Variants in ROBO2 observed in about 807,000 individuals in gnomAD.
ROBO2 encodes roundabout homolog 2.
ROBO2 carries 53 observed loss-of-function variants against 160.8 expected under a neutral mutation model. That is an observed-to-expected ratio of 0.33 (90% CI 0.26 to 0.41). The LOEUF (loss-of-function observed/expected upper bound fraction) is 0.41. Among genes scored for constraint, ROBO2 ranks in the 10% least tolerant of loss-of-function variants. ROBO2 has a pLI of 1.00. For missense variants in ROBO2, 1,577 were observed against 1,722.4 expected (o/e 0.92, Z 1.49); for synonymous variants, 664 against 611.7 (o/e 1.09, Z -1.26).
chr3:76,706,068 T>C (rs967843568), intron 2 of ROBO2, among the ~76,000 whole-genome samples: 32 of 152,122 alleles, frequency 2.1e-4, no homozygotes, highest in African/African-American at 7.7e-4. Context: ...TAGTAATCCA[T>C]AGAAGAAAGC....
intron 2 of ROBO2, among the ~76,000 whole-genome samples, chr3:76,543,330 C>G (rs531292558): frequency 6.6e-6 from 1 of 152,094 alleles, no homozygotes; most frequent in East Asian, 1.9e-4. Flanking sequence ...GGACTCTAAT[C>G]CAATAAGCCT....
chr3:76,388,200 G>A (rs1443468682), intron 2 of ROBO2, among the ~76,000 whole-genome samples: 1 of 151,868 alleles, frequency 6.6e-6, no homozygotes, highest in Non-Finnish European at 1.5e-5. Flanking sequence ...AATGTGTAAA[G>A]GAAAATACTT....
intron 2 of ROBO2, among the ~76,000 whole-genome samples, chr3:77,312,532 C>A (rs1239174175): frequency 6.6e-6 from 1 of 152,112 alleles, no homozygotes; most frequent in African/African-American, 2.4e-5. Context: ...CACACATAAA[C>A]CAATATGGAA....
chr3:77,457,554 C>T (rs376931834), intron 2 of ROBO2, among the ~76,000 whole-genome samples: 2 of 151,978 alleles, frequency 1.3e-5, no homozygotes, highest in African/African-American at 4.8e-5. Context: ...AAAACTTGAT[C>T]GGTATTATAT....
chr3:76,336,075 A>C (rs1004012672), intron 2 of ROBO2, among the ~76,000 whole-genome samples: 2 of 152,228 alleles, frequency 1.3e-5, no homozygotes, highest in African/African-American at 4.8e-5. Context: ...TATTTCTCTC[A>C]TGAAAAAGAT....
chr3:77,574,808 T>G, intron 14 of ROBO2, 78 bp downstream of exon 15: 1 of 1,041,992 alleles, frequency 9.6e-7, no homozygotes. Flanking sequence ...TTATCTTCCT[T>G]AGAAGAATGG....
At chr3:76,159,234 T>C (rs1327369654) in intron 2 of ROBO2, among the ~76,000 whole-genome samples, 1 of 152,218 alleles carries the variant, frequency 6.6e-6, no homozygotes, top group Non-Finnish European at 1.5e-5. Context: ...GGGAGTGCTG[T>C]ATTTTTATAG....
At chr3:76,838,991 A>G (rs1175216479) in intron 2 of ROBO2, among the ~76,000 whole-genome samples, 2 of 152,156 alleles carry the variant, frequency 1.3e-5, no homozygotes. Flanking sequence ...CATTTCTTAA[A>G]GATTTGAACA....
At chr3:77,592,103 T>G (rs1219199747) in intron 17 of ROBO2, among the ~76,000 whole-genome samples, 1 of 152,176 alleles carries the variant, frequency 6.6e-6, no homozygotes, top group East Asian at 1.9e-4. Flanking sequence ...TCCCTGTTTT[T>G]CCCTTGCTTT....
intron 2 of ROBO2, among the ~76,000 whole-genome samples, chr3:76,733,229 T>G (rs2093662871): frequency 6.6e-6 from 1 of 152,154 alleles, no homozygotes; most frequent in Non-Finnish European, 1.5e-5. Context: ...AAATTCAAGT[T>G]TCCCCAGGTA....
At chr3:76,236,670 G>C (rs997920985) in intron 2 of ROBO2, among the ~76,000 whole-genome samples, 1 of 152,064 alleles carries the variant, frequency 6.6e-6, no homozygotes, top group Non-Finnish European at 1.5e-5. Context: ...ATTGGAGTGG[G>C]ACATTGGAAT....
chr3:76,000,377 A>C (rs1421422491), intron 2 of ROBO2, among the ~76,000 whole-genome samples: 1 of 152,054 alleles, frequency 6.6e-6, no homozygotes, highest in Non-Finnish European at 1.5e-5. Context: ...TCATAGTTTC[A>C]TTGTTTCAAA....
intron 2 of ROBO2, among the ~76,000 whole-genome samples, chr3:76,122,180 G>A (rs1183604129): frequency 1.3e-5 from 2 of 152,118 alleles, no homozygotes; most frequent in Non-Finnish European, 2.9e-5. Flanking sequence ...AGGCATTGAT[G>A]ACTAATGTGG....
intron 2 of ROBO2, among the ~76,000 whole-genome samples, chr3:76,550,119 C>T (rs2083327784): frequency 6.6e-6 from 1 of 152,100 alleles, no homozygotes; most frequent in African/African-American, 2.4e-5. Flanking sequence ...AAATATTTTG[C>T]CATGTATCTT....
chr3:77,175,518 T>G (rs897921098), intron 2 of ROBO2, among the ~76,000 whole-genome samples: 1 of 151,992 alleles, frequency 6.6e-6, no homozygotes, highest in East Asian at 1.9e-4. Flanking sequence ...TATTGTTGGA[T>G]CTACGTGTTA....
chr3:76,481,809 G>A (rs2079224038), intron 2 of ROBO2, among the ~76,000 whole-genome samples: 1 of 152,106 alleles, frequency 6.6e-6, no homozygotes. Flanking sequence ...GTGACTGACT[G>A]GAGGGTTCAG....
chr3:77,416,854 G>A (rs182444955), intron 2 of ROBO2, among the ~76,000 whole-genome samples: 76 of 151,972 alleles, frequency 5.0e-4, no homozygotes, highest in African/African-American at 1.6e-3. Flanking sequence ...GAAAATAAGA[G>A]AAAAAATAAC....
At chr3:76,500,397 G>A (rs972402703) in intron 2 of ROBO2, among the ~76,000 whole-genome samples, 3 of 152,208 alleles carry the variant, frequency 2.0e-5, no homozygotes, top group Non-Finnish European at 2.9e-5. Context: ...ACAGGTGTGA[G>A]CCACCGCACC....
intron 2 of ROBO2, among the ~76,000 whole-genome samples, chr3:76,380,700 T>C (rs1161770048): frequency 6.6e-6 from 1 of 151,798 alleles, no homozygotes; most frequent in Non-Finnish European, 1.5e-5. Context: ...AGTACTTGAG[T>C]TTTGGGAAAG....
Sources: gnomAD v4.1 joint callset for allele counts (sites outside exome capture counted in the v4.1 genomes callset) on GRCh38, gnomAD v4.1.1 for gene constraint, MANE v1.5 for transcripts, NCBI Gene and HGNC (gene_info 2026-07-23, HGNC 2026-07-21) for gene names.